Variants in KLHL22 observed in about 807,000 individuals in gnomAD.
The protein encoded by KLHL22 is kelch like family member 22.
Under a neutral mutation model 60.7 loss-of-function variants are expected in KLHL22, and 18 were observed. The observed-to-expected ratio is 0.30, with a 90% CI of 0.20 to 0.44. The LOEUF (loss-of-function observed/expected upper bound fraction) is 0.44. KLHL22 is among the 20% of genes least tolerant of loss of function. The probability of loss-of-function intolerance (pLI) is 1.00; values close to 1 mark genes in which losing one functional copy is unlikely to be tolerated. For synonymous variants in KLHL22, 355 were observed against 354.5 expected, an observed-to-expected ratio of 1.00 and a Z score of -0.01; for missense variants, 596 against 852.3, an observed-to-expected ratio of 0.70 and a Z score of 3.74.
At chr22:20,466,834 G>A (rs944511517) in intron 3 of KLHL22, among the ~76,000 whole-genome samples, 2 of 152,120 alleles carry the variant, frequency 1.3e-5, no homozygotes, top group African/African-American at 2.4e-5. Flanking sequence ...AAGTGCAGGG[G>A]CTCCCAGGTG....
chr22:20,447,962 T>C (rs2052902624), intron 5 of KLHL22, among the ~76,000 whole-genome samples: 1 of 152,184 alleles, frequency 6.6e-6, no homozygotes, highest in Non-Finnish European at 1.5e-5. Flanking sequence ...TGTGTCACTA[T>C]ATCACAGGGT....
intron 2 of KLHL22, among the ~76,000 whole-genome samples, chr22:20,487,240 C>T (rs1489777269): frequency 6.6e-6 from 1 of 150,438 alleles, no homozygotes. Flanking sequence ...TTTTTTGAAA[C>T]AGGGTCTTGC....
intron 2 of KLHL22, among the ~76,000 whole-genome samples, chr22:20,482,509 C>T (rs762634486): frequency 2.6e-5 from 4 of 152,076 alleles, no homozygotes; most frequent in Admixed American, 6.6e-5. Flanking sequence ...CCTCCCACCT[C>T]GGCCTCCCCA....
chr22:20,463,121 T>G (rs1443486721), intron 4 of KLHL22, among the ~76,000 whole-genome samples: 1 of 152,238 alleles, frequency 6.6e-6, no homozygotes, highest in African/African-American at 2.4e-5. Context: ...GATGCCTTCA[T>G]TCTGGAGAGA....
In KLHL22 at chr22:20,482,778, C is replaced by T. The variant is rs1189071337; in HGVS notation, c.227+6207G>A. On this transcript the variant is annotated intron_variant, in intron 2 of 6. Coordinates refer to ENST00000328879, the MANE Select transcript of KLHL22 (RefSeq NM_032775.4). ...TTTTGACCTCTGAACTTTTTATTGG[C>T]CTCCTGCTCCCCAAAGGATACCCTG... 1.5e-4 allele frequency: 151 copies of T among 1,001,146 alleles called. 1 individual carries two copies. Among genetic ancestry groups the T allele is most frequent in the Middle Eastern group, 1.3e-3 (4 of 3,164 alleles). The allele number at this position is 1,001,146 out of a possible 1,614,324, so 62.0% of individuals were successfully genotyped here.
At chr22:20,468,421 G>A (rs1168549525) in intron 3 of KLHL22, among the ~76,000 whole-genome samples, 1 of 152,192 alleles carries the variant, frequency 6.6e-6, no homozygotes, top group Admixed American at 6.5e-5. Flanking sequence ...AGCCCCATAC[G>A]AGGCTCACAG....
At chr22:20,483,525 G>A (rs2053538560) in intron 2 of KLHL22, 10 of 726,408 alleles carry the variant, frequency 1.4e-5, no homozygotes, top group Non-Finnish European at 2.3e-5. Context: ...ACAGCTGAGG[G>A]ACATTGGTGT....
At chr22:20,469,337 G>A (rs572508210) in intron 3 of KLHL22, among the ~76,000 whole-genome samples, 37 of 152,240 alleles carry the variant, frequency 2.4e-4, no homozygotes, top group African/African-American at 8.4e-4. Context: ...CAGGGAACTG[G>A]CAGGATGGTC....
intron 5 of KLHL22, among the ~76,000 whole-genome samples, chr22:20,454,221 T>C (rs1401211061): frequency 6.6e-6 from 1 of 151,784 alleles, no homozygotes; most frequent in African/African-American, 2.4e-5. Flanking sequence ...CCCAGCTACT[T>C]GGGAGGCTGA....
At chr22:20,445,261 C>T (rs2052839963) in intron 6 of KLHL22, among the ~76,000 whole-genome samples, 1 of 148,412 alleles carries the variant, frequency 6.7e-6, no homozygotes. Flanking sequence ...GGCTGGAGTG[C>T]AGTCGTGTGA....
At chr22:20,483,344 G>T in intron 2 of KLHL22, 2 of 734,194 alleles carry the variant, frequency 2.7e-6, no homozygotes, top group Non-Finnish European at 2.5e-6. Flanking sequence ...TCATCATATT[G>T]AGCCTGGATG....
At chr22:20,445,851 C>T (rs1007502621) in intron 6 of KLHL22, among the ~76,000 whole-genome samples, 1 of 152,146 alleles carries the variant, frequency 6.6e-6, no homozygotes, top group African/African-American at 2.4e-5. Flanking sequence ...GAAACCTCTG[C>T]CTCCTGGGCT....
rs567848536 is a variant in KLHL22, at chr22:20,450,848, A to G, written c.1306-4172T>C. 37 of 1,600,130 alleles carry G rather than the reference A, an allele frequency of 2.3e-5. No homozygotes were observed. The Admixed American group carries it at 2.5e-4, about 11-fold the overall frequency. ...ATAGATGCTGAGCCTTTCATCCACTATGGTTTACAATGCAGGGATCTGGTT... is the reference window on the plus strand; with the variant it reads ...ATAGATGCTGAGCCTTTCATCCACTGTGGTTTACAATGCAGGGATCTGGTT... On this transcript the variant is annotated intron_variant, in intron 5 of 6. Coordinates refer to ENST00000328879, the MANE Select transcript of KLHL22 (RefSeq NM_032775.4).
chr22:20,448,183 G>A (rs2052909187), intron 5 of KLHL22, among the ~76,000 whole-genome samples: 1 of 152,108 alleles, frequency 6.6e-6, no homozygotes, highest in African/African-American at 2.4e-5. Flanking sequence ...TTTGACATTG[G>A]CTTTCTACCC....
intron 4 of KLHL22, among the ~76,000 whole-genome samples, chr22:20,460,533 C>T (rs768564311): frequency 6.3e-5 from 9 of 143,690 alleles, no homozygotes; most frequent in Non-Finnish European, 9.0e-5. Context: ...CACTTGAACC[C>T]GGGAGGCAGA....
rs2053752900 is a variant in KLHL22 at position 20,495,403 on chromosome 22, G to A, written c.-34+357C>T. On this transcript the variant is annotated intron_variant, in intron 1 of 6. Transcript: ENST00000328879. This position sits in a 1 kb window ranked among gnomAD's most constrained non-coding sequence, Gnocchi z 4.6. ...GCAAGGCCGCCCGCTCCAGCGCGGA[G>A]GGTCGCGGCCAGGAAGGCCGCATTC... 6.6e-6 allele frequency among the ~76,000 whole-genome samples: 1 copy of A among 151,990 alleles called. No individual in the cohort carries two copies.
intron 2 of KLHL22, chr22:20,482,961 G>C: frequency 2.6e-6 from 2 of 778,546 alleles, no homozygotes; most frequent in South Asian, 1.4e-5. Flanking sequence ...TCTTCCAGCA[G>C]GCGGCAGTAG....
chr22:20,446,653 C>T lies in KLHL22; in HGVS notation c.1329G>A (p.Thr443=), dbSNP rs199848149. The T allele has an allele frequency of 6.8e-6, 11 of 1,611,678 alleles. No individual in the cohort carries two copies. The highest frequency in any genetic ancestry group is 6.7e-5 in the East Asian group (3 of 44,892). ...KREVYAHAGA[T]LEGKMYITCG... ...AGGTGATATACATCTTCCCCTCCAGCGTCGCGCCTGCGTGGGCATACACCT... is the reference window on the plus strand; with the variant it reads ...AGGTGATATACATCTTCCCCTCCAGTGTCGCGCCTGCGTGGGCATACACCT... Residue 443 remains threonine (T), a synonymous_variant, in exon 6 of 7, where the codon ACG becomes ACA. Coordinates refer to ENST00000328879, the MANE Select transcript of KLHL22 (RefSeq NM_032775.4).
Position 20,442,318 on chromosome 22 carries a change from G to C in KLHL22, c.1660C>G (p.His554Asp). The part of the protein sequence containing the change: ...NRIYVLGGRS[H>D]NRGSRTGYVH... ...TAGCCTGTGCGGCTGCCGCGGTTGT[G>C]TGAGCGGCCACCTAACACATAGATC... Residue 554 changes from histidine to aspartate, a missense_variant, in exon 7 of 7, where the codon CAC (histidine) becomes GAC (aspartate). His to Asp is a moderately conservative substitution (Grantham distance 81). Coordinates refer to ENST00000328879, the MANE Select transcript of KLHL22 (RefSeq NM_032775.4). 1 of 1,613,964 alleles carries C rather than the reference G, an allele frequency of 6.2e-7. No homozygotes were observed. The highest frequency in any genetic ancestry group is 8.5e-7 in the Non-Finnish European group (1 of 1,180,024).
Sources: gnomAD v4.1 joint callset for allele counts (sites outside exome capture counted in the v4.1 genomes callset) on GRCh38, gnomAD v4.1.1 for gene constraint, Gnocchi (gnomAD v3.1) non-coding constraint, MANE v1.5 for transcripts, NCBI Gene and HGNC (gene_info 2026-07-23, HGNC 2026-07-21) for gene names.